Variants in ATP2B1 observed in about 807,000 individuals in gnomAD.
ATP2B1 encodes the protein plasma membrane calcium-transporting ATPase 1.
Under a neutral mutation model 124.2 loss-of-function variants are expected in ATP2B1, and 14 were observed. That is an observed-to-expected ratio of 0.11 (90% CI 0.07 to 0.18). The LOEUF (loss-of-function observed/expected upper bound fraction) is 0.18, where lower values mean the gene tolerates loss of function less well. ATP2B1 is among the 10% of genes least tolerant of loss of function. The pLI is 1.00. For missense variants in ATP2B1, 763 were observed against 1,466.1 expected (o/e 0.52, Z 7.83); for synonymous variants, 449 against 492.4 (o/e 0.91, Z 1.17).
chr12:89,625,080 C>T (rs1036709071), intron 8 of ATP2B1, among the ~76,000 whole-genome samples: 4 of 151,180 alleles, frequency 2.6e-5, no homozygotes, highest in South Asian at 2.1e-4. Context: ...CGAGACCAGC[C>T]AAACATGGTG....
intron 1 of ATP2B1, among the ~76,000 whole-genome samples, chr12:89,701,014 G>T (rs927730985): frequency 6.6e-6 from 1 of 152,114 alleles, no homozygotes; most frequent in Non-Finnish European, 1.5e-5. Flanking sequence ...ACTACTCTAT[G>T]TATCACTCAG....
intron 1 of ATP2B1, among the ~76,000 whole-genome samples, chr12:89,671,973 C>G (rs775722626): frequency 2.0e-5 from 3 of 152,108 alleles, no homozygotes; most frequent in Non-Finnish European, 2.9e-5. Flanking sequence ...TTAGAGACAG[C>G]AAGTCTCCTT....
chr12:89,598,806 A>C (rs1002223993), intron 20 of ATP2B1: 1 of 1,582,878 alleles, frequency 6.3e-7, no homozygotes, highest in Non-Finnish European at 8.6e-7. Context: ...AAGAGAAAGG[A>C]CCATTCCATC....
chr12:89,682,568 T>C (rs993227574), intron 1 of ATP2B1, among the ~76,000 whole-genome samples: 5 of 152,124 alleles, frequency 3.3e-5, no homozygotes, highest in African/African-American at 4.8e-5. Flanking sequence ...GAAATAAATA[T>C]ATGACAATGG....
chr12:89,645,017 C>A (rs1428998731), intron 2 of ATP2B1, among the ~76,000 whole-genome samples: 2 of 152,104 alleles, frequency 1.3e-5, no homozygotes, highest in Admixed American at 6.5e-5. Context: ...GACACTATAC[C>A]AATAAAACTA....
At chr12:89,621,848 T>C in intron 9 of ATP2B1, 57 bp from the exon 10 acceptor site, 1 of 1,394,968 alleles carries the variant, frequency 7.2e-7, no homozygotes, top group Non-Finnish European at 9.5e-7. Flanking sequence ...AATCACCTCA[T>C]TACATTAAAA....
chr12:89,649,307 T>A (rs193140106), intron 2 of ATP2B1, among the ~76,000 whole-genome samples: 2 of 152,234 alleles, frequency 1.3e-5, no homozygotes, highest in Non-Finnish European at 2.9e-5. Context: ...ACCTACCTTA[T>A]AAAGCCACAG....
chr12:89,639,203 A>C (rs1419933579), intron 3 of ATP2B1, among the ~76,000 whole-genome samples: 1 of 152,196 alleles, frequency 6.6e-6, no homozygotes, highest in African/African-American at 2.4e-5. Context: ...TGTACTAATA[A>C]TGATTTTAAA....
intron 20 of ATP2B1, chr12:89,598,709 G>A (rs1276574336): frequency 6.2e-7 from 1 of 1,613,988 alleles, no homozygotes; most frequent in Non-Finnish European, 8.5e-7. Flanking sequence ...CCCCTGAATG[G>A]AACTTCCACT....
intron 20 of ATP2B1, chr12:89,594,634 A>G (rs1405188872): frequency 6.6e-6 from 1 of 151,502 alleles, no homozygotes; most frequent in African/African-American, 2.4e-5. Flanking sequence ...CACATATGGT[A>G]AACAAAAAAA....
chr12:89,676,840 G>A (rs1011197545), intron 1 of ATP2B1, among the ~76,000 whole-genome samples: 4 of 152,062 alleles, frequency 2.6e-5, no homozygotes, highest in Admixed American at 2.0e-4. Flanking sequence ...ATTGTTAAAA[G>A]AATAATTCCC....
chr12:89,700,204 G>A (rs1050575885), intron 1 of ATP2B1, among the ~76,000 whole-genome samples: 1 of 152,032 alleles, frequency 6.6e-6, no homozygotes, highest in African/African-American at 2.4e-5. Flanking sequence ...CATGCAGAAA[G>A]GGGTTGACTG....
intron 3 of ATP2B1, among the ~76,000 whole-genome samples, chr12:89,640,468 T>C (rs1317161147): frequency 1.3e-5 from 2 of 152,206 alleles, no homozygotes; most frequent in African/African-American, 4.8e-5. Flanking sequence ...CCGCTCAATA[T>C]GTCAGTCGTG....
chr12:89,674,454 A>G (rs551960771), intron 1 of ATP2B1, among the ~76,000 whole-genome samples: 1 of 152,154 alleles, frequency 6.6e-6, no homozygotes, highest in Admixed American at 6.5e-5. Flanking sequence ...TTGAACTTGT[A>G]CCTATACTAG....
At chr12:89,701,265 T>C (rs1891821726) in intron 1 of ATP2B1, among the ~76,000 whole-genome samples, 1 of 152,210 alleles carries the variant, frequency 6.6e-6, no homozygotes, top group Non-Finnish European at 1.5e-5. Context: ...AACTCAGCAT[T>C]ACTCCACCCT....
At chr12:89,630,685 A>G in intron 5 of ATP2B1, 40 bp from the exon 6 acceptor site, 9 of 1,393,440 alleles carry the variant, frequency 6.5e-6, no homozygotes, top group Non-Finnish European at 8.5e-6. Flanking sequence ...AAATACTGAT[A>G]GATCTCCTTG....
At position 89,634,775 on chromosome 12, in the gene ATP2B1, T is replaced by C. The variant is rs1432607781; in HGVS notation, c.787+3A>G. 1 of 1,578,352 alleles carries C rather than the reference T, an allele frequency of 6.3e-7. No homozygotes were observed. The highest frequency in any genetic ancestry group is 8.6e-7 in the Non-Finnish European group (1 of 1,166,476). On this transcript the variant is annotated splice_donor_region_variant and intron_variant, in intron 5 of 20. Transcript: ENST00000428670. ...TGTTCAAAGATATAAATGAAATTTT[T>C]ACCTGATAGAAGTAAGGGATCCTTA...
chr12:89,693,198 A>G (rs953714670), intron 1 of ATP2B1, among the ~76,000 whole-genome samples: 16 of 152,180 alleles, frequency 1.1e-4, no homozygotes, highest in African/African-American at 3.9e-4. Flanking sequence ...CTGACTTTTA[A>G]AGTGAGTCTT....
chr12:89,636,480 G>A (rs1338236181), intron 3 of ATP2B1, among the ~76,000 whole-genome samples: 2 of 152,192 alleles, frequency 1.3e-5, no homozygotes, highest in African/African-American at 4.8e-5. Flanking sequence ...GTTGCTATGT[G>A]AAGTTATTTC....
Sources: gnomAD v4.1 joint callset for allele counts (sites outside exome capture counted in the v4.1 genomes callset) on GRCh38, gnomAD v4.1.1 for gene constraint, MANE v1.5 for transcripts, NCBI Gene and HGNC (gene_info 2026-07-23, HGNC 2026-07-21) for gene names.